RALA: variants seen among roughly 807,000 people sequenced by gnomAD.
The protein encoded by RALA is ras-related protein Ral-A.
In RALA, 5 loss-of-function variants were observed where a neutral mutation model predicts 24.0. The ratio of observed to expected loss-of-function variants is 0.21; its 90% CI spans 0.11 to 0.44. RALA has a LOEUF of 0.44. Ranked by LOEUF, RALA falls within the 20% of genes least tolerant of loss-of-function variation. The pLI, the probability that RALA is intolerant of heterozygous loss-of-function variation, is 0.99. For missense variants in RALA, 95 were observed against 241.2 expected (o/e 0.39, Z 4.01); for synonymous variants, 77 against 83.8 (o/e 0.92, Z 0.44).
intron 1 of RALA, among the ~76,000 whole-genome samples, chr7:39,627,949 T>G (rs1791522481): frequency 6.6e-6 from 1 of 152,184 alleles, no homozygotes; most frequent in Admixed American, 6.5e-5. Flanking sequence ...TACCTAACTC[T>G]CTTTTTTCCC....
At chr7:39,698,811 T>G (rs1439263977) in intron 4 of RALA, among the ~76,000 whole-genome samples, 1 of 152,084 alleles carries the variant, frequency 6.6e-6, no homozygotes, top group African/African-American at 2.4e-5. Context: ...GCACAGCTCT[T>G]ACAGGACAAA....
At chr7:39,643,398 G>T (rs1166452614) in intron 1 of RALA, among the ~76,000 whole-genome samples, 1 of 152,182 alleles carries the variant, frequency 6.6e-6, no homozygotes, top group East Asian at 1.9e-4. Context: ...GTAGTGATCA[G>T]CGGGGGACAA....
chr7:39,624,641 C>T (rs376152160), intron 1 of RALA, among the ~76,000 whole-genome samples: 5 of 152,010 alleles, frequency 3.3e-5, no homozygotes, highest in African/African-American at 1.2e-4. Flanking sequence ...GGCCTGTGCT[C>T]GGAAACCTGA....
intron 4 of RALA, among the ~76,000 whole-genome samples, chr7:39,703,985 G>A (rs1310077097): frequency 1.3e-5 from 2 of 151,902 alleles, no homozygotes; most frequent in Non-Finnish European, 2.9e-5. Context: ...GGCCAACATG[G>A]CAAAACCCCG....
chr7:39,664,708 T>C (rs1000274046), intron 1 of RALA, among the ~76,000 whole-genome samples: 1 of 152,124 alleles, frequency 6.6e-6, no homozygotes, highest in Non-Finnish European at 1.5e-5. Context: ...AAACAATAAA[T>C]TCCTGCTGGA....
intron 1 of RALA, among the ~76,000 whole-genome samples, chr7:39,669,880 T>TA (rs1481231443): frequency 1.3e-5 from 2 of 152,190 alleles, no homozygotes; most frequent in Non-Finnish European, 2.9e-5. Context: ...ATGTAAGTCT[T>TA]AATCAGTTAA....
intron 1 of RALA, among the ~76,000 whole-genome samples, chr7:39,675,376 T>A (rs541298613): frequency 6.6e-6 from 1 of 152,246 alleles, no homozygotes; most frequent in Admixed American, 6.5e-5. Flanking sequence ...TTTTGGAGCA[T>A]GTCCGATCTT....
intron 1 of RALA, among the ~76,000 whole-genome samples, chr7:39,628,565 T>G (rs1791536788): frequency 6.6e-6 from 1 of 152,228 alleles, no homozygotes; most frequent in East Asian, 1.9e-4. Flanking sequence ...TTTTTGTTTT[T>G]TGTTTTTTGA....
intron 1 of RALA, among the ~76,000 whole-genome samples, chr7:39,647,252 A>G (rs1011846019): frequency 3.3e-5 from 5 of 152,184 alleles, no homozygotes; most frequent in Non-Finnish European, 7.3e-5. Flanking sequence ...CATGTTGCCC[A>G]GGCTGGTCTC....
chr7:39,680,575 A>C (rs1792576231), intron 1 of RALA, among the ~76,000 whole-genome samples: 1 of 147,032 alleles, frequency 6.8e-6, no homozygotes, highest in Non-Finnish European at 1.5e-5. Context: ...GACTGTCTCA[A>C]AAAAAAAAAA....
Position 39,636,614 on chromosome 7 carries a change from T to A in RALA, c.-38+12789T>A, listed in dbSNP as rs1285202155. Among the ~76,000 whole-genome samples the A allele has an allele frequency of 2.6e-5, 4 of 152,222 alleles. No individual in the cohort carries two copies. The East Asian group carries it at 5.8e-4, about 22-fold the overall frequency. On this transcript the variant is annotated intron_variant, in intron 1 of 4. Coordinates refer to ENST00000005257, the MANE Select transcript of RALA (RefSeq NM_005402.4). ...CCAGGTGGACTTTCTTTTTGATTCA[T>A]CAACAAAATTTCTGTTTTACGTTTG...
intron 1 of RALA, among the ~76,000 whole-genome samples, chr7:39,676,939 A>G (rs982827974): frequency 3.3e-5 from 5 of 152,198 alleles, no homozygotes; most frequent in African/African-American, 1.2e-4. Context: ...GAATCTGTGA[A>G]TGTTGCTCTG....
chr7:39,675,210 A>G (rs1583738286), intron 1 of RALA, among the ~76,000 whole-genome samples: 3 of 152,240 alleles, frequency 2.0e-5, no homozygotes, highest in Non-Finnish European at 2.9e-5. Context: ...GGGCATGTGC[A>G]GAAAAGATAC....
At chr7:39,659,233 T>G (rs1341239084) in intron 1 of RALA, among the ~76,000 whole-genome samples, 2 of 152,106 alleles carry the variant, frequency 1.3e-5, no homozygotes, top group Non-Finnish European at 2.9e-5. Flanking sequence ...GAGCTGAGAT[T>G]GCATTGCACC....
Position 39,702,442 on chromosome 7 carries a change from A to T in RALA, c.499-3681A>T, listed in dbSNP as rs540252453. Among the ~76,000 whole-genome samples, 17 of 152,320 alleles carry T rather than the reference A, an allele frequency of 1.1e-4. No individual in the cohort carries two copies. The South Asian group carries it at 2.3e-3, about 20-fold the overall frequency. ...TTCTGTGGTGCGCTTTTTAAATTTT[A>T]TGACAAATCCTACAGCTCTTCCATG... is the stretch of plus-strand genomic sequence containing the variant. On this transcript the variant is annotated intron_variant, in intron 4 of 4. Transcript: ENST00000005257.
chr7:39,648,145 T>C (rs960231087), intron 1 of RALA, among the ~76,000 whole-genome samples: 1 of 152,200 alleles, frequency 6.6e-6, no homozygotes, highest in South Asian at 2.1e-4. Flanking sequence ...TTTTGGAATT[T>C]TGTAGGTTTT....
At position 39,707,923 on chromosome 7, in the gene RALA, T is replaced by G. The variant is rs1793147952; in HGVS notation, c.*1678T>G. On this transcript the variant is annotated 3_prime_UTR_variant, in exon 5 of 5. Transcript: ENST00000005257. ...CGGGCCCAGCAATCTCCATGTGTACTTATTACAGTCTTATTTAACCAGGGG... is the reference window on the plus strand; with the variant it reads ...CGGGCCCAGCAATCTCCATGTGTACGTATTACAGTCTTATTTAACCAGGGG... 6.6e-6 allele frequency: 1 copy of G among 152,662 alleles called. No individual in the cohort carries two copies. Among genetic ancestry groups the G allele is most frequent in the Admixed American group, 6.5e-5 (1 of 15,288 alleles). 9.5% of individuals were successfully genotyped at this position (152,662 alleles called of 1,614,324 possible). A position where few individuals can be genotyped will look rare whatever the true frequency, so the allele number is the denominator to read the frequency against.
chr7:39,688,964 A>G (rs989762746), intron 2 of RALA, among the ~76,000 whole-genome samples: 3 of 152,082 alleles, frequency 2.0e-5, no homozygotes, highest in Admixed American at 6.6e-5. Context: ...GGGGAGGGAG[A>G]GAGAGAGAGT....
intron 1 of RALA, among the ~76,000 whole-genome samples, chr7:39,670,996 AG>A (rs1161891836): frequency 6.6e-6 from 1 of 152,118 alleles, no homozygotes; most frequent in Non-Finnish European, 1.5e-5. Flanking sequence ...CACTTAAGCT[AG>A]GAAGTTTGTT....
Sources: allele counts gnomAD v4.1 joint callset (sites outside exome capture counted in the v4.1 genomes callset), GRCh38; gene constraint gnomAD v4.1.1; transcripts MANE v1.5; gene names NCBI Gene and HGNC (gene_info 2026-07-23, HGNC 2026-07-21).